Variants in CFAP61 observed in about 807,000 individuals in gnomAD.
CFAP61 encodes the protein cilia- and flagella-associated protein 61.
A neutral mutation model predicts 135.6 loss-of-function variants in CFAP61; 107 were observed. That is an observed-to-expected ratio of 0.79 (90% CI 0.67 to 0.93). CFAP61 has a LOEUF of 0.93. Among genes scored for constraint, CFAP61 ranks in the 40% least tolerant of loss-of-function variants. The pLI is 0.00. For synonymous variants in CFAP61, 575 were observed against 578.5 expected, an observed-to-expected ratio of 0.99 and a Z score of 0.09; for missense variants, 1,507 against 1,556.2, an observed-to-expected ratio of 0.97 and a Z score of 0.53.
At chr20:20,093,267 T>C (rs1225378475) in intron 7 of CFAP61, among the ~76,000 whole-genome samples, 1 of 152,094 alleles carries the variant, frequency 6.6e-6, no homozygotes, top group South Asian at 2.1e-4. Flanking sequence ...TAGACACTTC[T>C]GTAGAGACAG....
chr20:20,232,327 A>G (rs1375120095), intron 18 of CFAP61, among the ~76,000 whole-genome samples: 13 of 151,916 alleles, frequency 8.6e-5, no homozygotes. Context: ...TCAGGTTTCC[A>G]CAAAGATATT....
At chr20:20,178,344 A>G (rs535025201) in intron 13 of CFAP61, among the ~76,000 whole-genome samples, 3 of 152,260 alleles carry the variant, frequency 2.0e-5, no homozygotes, top group South Asian at 4.1e-4. Flanking sequence ...TTAATATGGG[A>G]TGAGTGTGTG....
intron 25 of CFAP61, among the ~76,000 whole-genome samples, chr20:20,338,861 C>T (rs1034205879): frequency 6.6e-6 from 1 of 152,212 alleles, no homozygotes; most frequent in Non-Finnish European, 1.5e-5. Context: ...GCTTAATGAT[C>T]GGACTATATC....
chr20:20,308,182 G>A (rs1339192864), intron 25 of CFAP61, among the ~76,000 whole-genome samples: 3 of 152,184 alleles, frequency 2.0e-5, no homozygotes, highest in Non-Finnish European at 4.4e-5. Context: ...GGACAGTGCT[G>A]CTGTAGGCCA....
At chr20:20,220,974 A>G (rs984976147) in intron 17 of CFAP61, 1 of 152,262 alleles carries the variant, frequency 6.6e-6, no homozygotes, top group Non-Finnish European at 1.5e-5. Flanking sequence ...CTTGTAGAAC[A>G]ATGCAAGTCA....
At chr20:20,107,137 A>G (rs2048465306) in intron 8 of CFAP61, among the ~76,000 whole-genome samples, 1 of 152,226 alleles carries the variant, frequency 6.6e-6, no homozygotes, top group African/African-American at 2.4e-5. Context: ...TCTGTTTACA[A>G]AGAGTTTTTG....
chr20:20,126,231 C>G (rs1019923133), intron 8 of CFAP61, among the ~76,000 whole-genome samples: 1 of 151,680 alleles, frequency 6.6e-6, no homozygotes, highest in African/African-American at 2.4e-5. Flanking sequence ...TGTGAGGTAC[C>G]ATTACATTCG....
chr20:20,130,004 G>GCC (rs1422538944), intron 8 of CFAP61, among the ~76,000 whole-genome samples: 1 of 151,626 alleles, frequency 6.6e-6, no homozygotes, highest in Non-Finnish European at 1.5e-5. Context: ...AAAGATCACT[G>GCC]AGTAGCCGGG....
At chr20:20,081,223 G>T (rs1352001868) in intron 6 of CFAP61, among the ~76,000 whole-genome samples, 1 of 152,138 alleles carries the variant, frequency 6.6e-6, no homozygotes, top group African/African-American at 2.4e-5. Context: ...CAATTCCAAA[G>T]GATTGGGCAG....
chr20:20,250,014 C>T (rs962033892), intron 19 of CFAP61, among the ~76,000 whole-genome samples: 2 of 152,148 alleles, frequency 1.3e-5, no homozygotes, highest in African/African-American at 4.8e-5. Flanking sequence ...ATAGGCCAGT[C>T]CCCGATTTTC....
intron 6 of CFAP61, among the ~76,000 whole-genome samples, chr20:20,087,947 T>C (rs2046924254): frequency 6.6e-6 from 1 of 151,994 alleles, no homozygotes; most frequent in South Asian, 2.1e-4. Context: ...GGGCCACAGG[T>C]GACCACCGAT....
At chr20:20,281,831 T>C (rs1262983487) in intron 22 of CFAP61, among the ~76,000 whole-genome samples, 1 of 152,176 alleles carries the variant, frequency 6.6e-6, no homozygotes, top group Admixed American at 6.5e-5. Context: ...TTGTGCAAGA[T>C]TGGTATTTTT....
At chr20:20,231,284 T>C (rs2049118115) in intron 18 of CFAP61, among the ~76,000 whole-genome samples, 1 of 152,192 alleles carries the variant, frequency 6.6e-6, no homozygotes, top group Admixed American at 6.5e-5. Context: ...CACATCTCCT[T>C]GTCTGTGGTT....
At chr20:20,339,121 G>A (rs1479558644) in intron 25 of CFAP61, among the ~76,000 whole-genome samples, 2 of 152,180 alleles carry the variant, frequency 1.3e-5, no homozygotes, top group Admixed American at 6.5e-5. Flanking sequence ...TAAAAAGCAC[G>A]TTGGAGCCAT....
chr20:20,159,091 T>A (rs2053188505), intron 9 of CFAP61, among the ~76,000 whole-genome samples: 2 of 152,220 alleles, frequency 1.3e-5, no homozygotes, highest in Admixed American at 1.3e-4. Context: ...GAGTAATAAC[T>A]AACATCTCCA....
At chr20:20,179,869 A>G (rs1484136693) in intron 13 of CFAP61, among the ~76,000 whole-genome samples, 1 of 152,214 alleles carries the variant, frequency 6.6e-6, no homozygotes, top group Non-Finnish European at 1.5e-5. Flanking sequence ...CATATACAAA[A>G]ATTAACTCAA....
At chr20:20,070,737 T>G in intron 2 of CFAP61, 117 bp from the exon 3 acceptor site, 3 of 843,248 alleles carry the variant, frequency 3.6e-6, no homozygotes, top group Non-Finnish European at 5.5e-6. Context: ...TTTCCAAAGA[T>G]TATCTGACCT....
At chr20:20,263,629 G>A (rs931175899) in intron 21 of CFAP61, among the ~76,000 whole-genome samples, 3 of 151,894 alleles carry the variant, frequency 2.0e-5, no homozygotes, top group African/African-American at 4.8e-5. Context: ...TTTTTAAATC[G>A]AAATGAAAAA....
intron 2 of CFAP61, among the ~76,000 whole-genome samples, chr20:20,058,939 G>T (rs2044577924): frequency 6.6e-6 from 1 of 152,036 alleles, no homozygotes; most frequent in Non-Finnish European, 1.5e-5. Flanking sequence ...AATTATATAG[G>T]ATAATCAACT....
Sources: allele counts gnomAD v4.1 joint callset (sites outside exome capture counted in the v4.1 genomes callset), GRCh38; gene constraint gnomAD v4.1.1; transcripts MANE v1.5; gene names NCBI Gene and HGNC (gene_info 2026-07-23, HGNC 2026-07-21).